The following SLC8A1 variants were observed in gnomAD, a reference collection of about 807,000 sequenced individuals.
SLC8A1 encodes sodium/calcium exchanger 1.
In SLC8A1, 18 loss-of-function variants were observed where a neutral mutation model predicts 68.3. That is an observed-to-expected ratio of 0.26 (90% CI 0.18 to 0.39). SLC8A1 has a LOEUF of 0.39. Among genes scored for constraint, SLC8A1 ranks in the 10% least tolerant of loss-of-function variants. SLC8A1 has a pLI of 1.00. For missense variants in SLC8A1, 985 were observed against 1,156.7 expected (o/e 0.85, Z 2.15); for synonymous variants, 475 against 415.5 (o/e 1.14, Z -1.74).
At chr2:40,435,399 G>A (rs574985764) in intron 1 of SLC8A1, among the ~76,000 whole-genome samples, 7 of 141,998 alleles carry the variant, frequency 4.9e-5, no homozygotes, top group African/African-American at 1.9e-4. Context: ...ATCAGACCAT[G>A]GCCAGATTTC....
chr2:40,113,362 T>A (rs1459729517), exon 8 of SLC8A1: 1 of 152,766 alleles, frequency 6.5e-6, no homozygotes, highest in Non-Finnish European at 1.5e-5. Flanking sequence ...CTATTATTTT[T>A]CTCATTAGTG....
At chr2:40,416,986 A>C (rs1694065366) in intron 2 of SLC8A1, among the ~76,000 whole-genome samples, 1 of 152,060 alleles carries the variant, frequency 6.6e-6, no homozygotes, top group South Asian at 2.1e-4. Flanking sequence ...CAAAAATAAA[A>C]ATGATAATTT....
intron 2 of SLC8A1, among the ~76,000 whole-genome samples, chr2:40,248,854 C>A (rs436010): frequency 0.14 from 21,138 of 152,034 alleles, 1,796 homozygotes; most frequent in African/African-American, 0.22. Flanking sequence ...TCTGGTTGGA[C>A]GGAGTTGTAT....
intron 2 of SLC8A1, chr2:40,254,514 A>G (rs561837773): frequency 4.3e-5 from 5 of 116,960 alleles, no homozygotes; most frequent in South Asian, 2.4e-4. Context: ...TATCAAAAAC[A>G]TGAAGCTAAA....
intron 6 of SLC8A1, among the ~76,000 whole-genome samples, chr2:40,149,476 T>A (rs989676602): frequency 6.6e-6 from 1 of 152,204 alleles, no homozygotes; most frequent in Non-Finnish European, 1.5e-5. Flanking sequence ...ACATGTGAGC[T>A]AAGACTTTAG....
At chr2:40,125,690 G>A (rs1044569196) in intron 7 of SLC8A1, among the ~76,000 whole-genome samples, 9 of 151,812 alleles carry the variant, frequency 5.9e-5, no homozygotes, top group Non-Finnish European at 1.0e-4. Flanking sequence ...GAGATGTTTG[G>A]GAAGGGATTG....
chr2:40,227,963 G>A (rs1037948095), intron 2 of SLC8A1, among the ~76,000 whole-genome samples: 2 of 152,220 alleles, frequency 1.3e-5, no homozygotes, highest in Non-Finnish European at 2.9e-5. Flanking sequence ...TTTTACATAC[G>A]TAAAATTCAG....
chr2:40,122,026 C>A (rs182084305), intron 7 of SLC8A1, among the ~76,000 whole-genome samples: 1 of 151,402 alleles, frequency 6.6e-6, no homozygotes, highest in Admixed American at 6.6e-5. Context: ...TTCTTTTTTG[C>A]CTTCTATACC....
intron 2 of SLC8A1, among the ~76,000 whole-genome samples, chr2:40,184,501 T>TA (rs906324207): frequency 6.6e-6 from 1 of 152,188 alleles, no homozygotes; most frequent in African/African-American, 2.4e-5. Flanking sequence ...AAAACACCTT[T>TA]AGTATTCAGG....
At chr2:40,311,597 G>A (rs896186178) in intron 2 of SLC8A1, among the ~76,000 whole-genome samples, 6 of 151,904 alleles carry the variant, frequency 3.9e-5, no homozygotes, top group African/African-American at 1.4e-4. Context: ...ATATTTGTGT[G>A]TATATACAAA....
chr2:40,405,728 G>A (rs1257131105), intron 2 of SLC8A1, among the ~76,000 whole-genome samples: 2 of 152,118 alleles, frequency 1.3e-5, no homozygotes, highest in African/African-American at 2.4e-5. Context: ...CAGTGTTTAT[G>A]CTTGAGCTAA....
intron 1 of SLC8A1, among the ~76,000 whole-genome samples, chr2:40,481,836 C>A (rs558077554): frequency 6.6e-6 from 1 of 152,138 alleles, no homozygotes; most frequent in East Asian, 1.9e-4. Flanking sequence ...ACAAATTCTG[C>A]AAAATGAAGT....
chr2:40,229,631 T>G (rs2059400514), intron 2 of SLC8A1, among the ~76,000 whole-genome samples: 1 of 152,160 alleles, frequency 6.6e-6, no homozygotes, highest in Non-Finnish European at 1.5e-5. Flanking sequence ...TCAGTGTCAT[T>G]AATGTGCATC....
intron 1 of SLC8A1, among the ~76,000 whole-genome samples, chr2:40,485,874 T>G (rs541045818): frequency 4.9e-4 from 74 of 152,284 alleles, no homozygotes; most frequent in African/African-American, 1.8e-3. Context: ...TTGGTCAAAT[T>G]GGACACTCAA....
At chr2:40,387,315 G>T (rs544460614) in intron 2 of SLC8A1, among the ~76,000 whole-genome samples, 2 of 151,486 alleles carry the variant, frequency 1.3e-5, no homozygotes, top group East Asian at 1.9e-4. Context: ...CATTACTGTG[G>T]CATGTAGAAG....
intron 2 of SLC8A1, among the ~76,000 whole-genome samples, chr2:40,273,410 A>C (rs2066299412): frequency 6.6e-6 from 1 of 152,076 alleles, no homozygotes; most frequent in Non-Finnish European, 1.5e-5. Context: ...CTCTTAATAA[A>C]CTTTAATAAA....
chr2:40,243,175 C>G (rs1003522796), intron 2 of SLC8A1, among the ~76,000 whole-genome samples: 1 of 152,128 alleles, frequency 6.6e-6, no homozygotes, highest in Non-Finnish European at 1.5e-5. Context: ...TGAGTTAATT[C>G]ACAACTTACC....
chr2:40,351,977 T>A (rs1671243171), intron 2 of SLC8A1, among the ~76,000 whole-genome samples: 1 of 152,156 alleles, frequency 6.6e-6, no homozygotes, highest in African/African-American at 2.4e-5. Context: ...AATCCAAATC[T>A]TATCCAAAAG....
chr2:40,140,191 G>A (rs185683074), intron 6 of SLC8A1, among the ~76,000 whole-genome samples: 130 of 152,248 alleles, frequency 8.5e-4, no homozygotes, highest in African/African-American at 2.8e-3. Context: ...TTTCTCCAGC[G>A]TCATCTCCTG....
Sources: gnomAD v4.1 joint callset for allele counts (sites outside exome capture counted in the v4.1 genomes callset) on GRCh38, gnomAD v4.1.1 for gene constraint, MANE v1.5 for transcripts, NCBI Gene and HGNC (gene_info 2026-07-23, HGNC 2026-07-21) for gene names.